The following DNTT variants were observed in gnomAD, a reference collection of about 807,000 sequenced individuals.
DNTT encodes the protein nucleosidetriphosphate:DNA deoxynucleotidylexotransferase.
A neutral mutation model predicts 60.9 loss-of-function variants in DNTT; 47 were observed. The ratio of observed to expected loss-of-function variants is 0.77; its 90% CI spans 0.61 to 0.98. The LOEUF is 0.98. DNTT is among the 50% of genes least tolerant of loss of function. The probability of loss-of-function intolerance (pLI) is 0.00; values close to 1 mark genes in which losing one functional copy is unlikely to be tolerated. For missense variants in DNTT, 665 were observed against 627.5 expected (o/e 1.06, Z -0.64); for synonymous variants, 224 against 221.2 (o/e 1.01, Z -0.11).
intron 2 of DNTT, 89 bp downstream of exon 2, chr10:96,318,615 A>G: frequency 1.3e-6 from 2 of 1,482,710 alleles, no homozygotes; most frequent in Non-Finnish European, 1.8e-6. Flanking sequence ...TAAACCCTAA[A>G]TTCTCTGCTT....
At chr10:96,328,654 C>A (rs890034526) in intron 7 of DNTT, 71 bp from the exon 8 acceptor site, 2 of 1,494,718 alleles carry the variant, frequency 1.3e-6, no homozygotes, top group Non-Finnish European at 9.2e-7. Flanking sequence ...GGCATAGAAA[C>A]AAAGGTGATT....
chr10:96,314,402 C>CTTTTTTTTT (rs869059822), intron 1 of DNTT, among the ~76,000 whole-genome samples: 2,035 of 53,082 alleles, frequency 0.038, 488 homozygotes, highest in Non-Finnish European at 0.049. Flanking sequence ...TATCTCTTCC[C>CTTTTTTTTT]TTTTTTTTTT....
At chr10:96,328,998 G>A (rs191837767) in intron 8 of DNTT, among the ~76,000 whole-genome samples, 168 bp downstream of exon 8, 40 of 152,096 alleles carry the variant, frequency 2.6e-4, no homozygotes, top group Middle Eastern at 6.8e-3. Context: ...CCTGTTTTGG[G>A]TCCTAGAGTA....
intron 5 of DNTT, among the ~76,000 whole-genome samples, chr10:96,323,561 G>A (rs562478968): frequency 6.7e-6 from 1 of 149,764 alleles, no homozygotes; most frequent in African/African-American, 2.6e-5. Flanking sequence ...AACATCATGG[G>A]ACATGAGGAC....
rs143792493 is a variant in DNTT at position 96,323,388 on chromosome 10, G to A, written c.750+660G>A. ...CCTGTCTTAAATACGGTCATACTGG[G>A]GATTAGGACTTCAACATACAAATGG... is the stretch of plus-strand genomic sequence containing the variant. On this transcript the variant is annotated intron_variant, in intron 5 of 10. Transcript: ENST00000371174. 3.0e-3 allele frequency among the ~76,000 whole-genome samples: 463 copies of A among 152,250 alleles called. 2 individuals carry two copies. Among genetic ancestry groups the A allele is most frequent in the African/African-American group, 0.01 (436 of 41,558 alleles).
In DNTT at chr10:96,320,651, T is replaced by C; in HGVS notation, c.541T>C (p.Phe181Leu). 6.2e-7 allele frequency: 1 copy of C among 1,613,660 alleles called. No homozygotes were observed. Among genetic ancestry groups the C allele is most frequent in the Non-Finnish European group, 8.5e-7 (1 of 1,179,748 alleles). Residue 181 changes from phenylalanine to leucine, a missense_variant, in exon 4 of 11, where the codon TTT (phenylalanine) becomes CTT (leucine). Transcript: ENST00000371174. ...AFDILAENCE[F>L]RENEDSCVTF... is the part of the protein sequence containing the mutation. ...TGATATACTGGCTGAAAACTGTGAG[T>C]TTAGAGAAAATGAAGACTCCTGTGT...
chr10:96,321,610 T>C (rs147404151), intron 4 of DNTT, among the ~76,000 whole-genome samples: 1 of 152,218 alleles, frequency 6.6e-6, no homozygotes, highest in African/African-American at 2.4e-5. Context: ...TATTGGGAAA[T>C]TGCCTCTCCC....
At chr10:96,313,114 A>G (rs1030268681) in intron 1 of DNTT, among the ~76,000 whole-genome samples, 1 of 152,196 alleles carries the variant, frequency 6.6e-6, no homozygotes, top group Non-Finnish European at 1.5e-5. Flanking sequence ...TTCTCTCAGA[A>G]TTGCTATAAT....
intron 4 of DNTT, 142 bp from the exon 5 acceptor site, chr10:96,322,515 C>A: frequency 2.0e-6 from 1 of 505,174 alleles, no homozygotes; most frequent in Middle Eastern, 3.9e-4. Flanking sequence ...CTTGTTTTCT[C>A]CAGATCAATT....
At position 96,335,953 on chromosome 10, in the gene DNTT, T is replaced by G. The variant is rs1845064059; in HGVS notation, c.1422T>G (p.His474Gln). 6.2e-7 allele frequency: 1 copy of G among 1,614,202 alleles called. No homozygotes were observed. Among genetic ancestry groups the G allele is most frequent in the Non-Finnish European group, 8.5e-7 (1 of 1,180,024 alleles). ...AGCGGAAGATGATTCTGGATAACCATGCTTTATATGACAAGACCAAGGTAC... is the reference window on the plus strand; with the variant it reads ...AGCGGAAGATGATTCTGGATAACCAGGCTTTATATGACAAGACCAAGGTAC... Reference protein sequence around the residue: ...THERKMILDNHALYDKTKRIF... With the variant: ...THERKMILDNQALYDKTKRIF... The change falls in exon 10 of 11, where the codon CAT becomes CAG. Residue 474 changes from histidine to glutamine, a missense_variant. His to Gln is a conservative substitution (Grantham distance 24). Transcript: ENST00000371174.
chr10:96,334,621 G>C (rs1033524576), intron 9 of DNTT, among the ~76,000 whole-genome samples: 6 of 152,166 alleles, frequency 3.9e-5, no homozygotes, highest in African/African-American at 1.4e-4. Context: ...AATTAATTCA[G>C]CACAGCATCT....
In DNTT at chr10:96,338,299, A is replaced by C; in HGVS notation, c.*75A>C. On this transcript the variant is annotated 3_prime_UTR_variant, in exon 11 of 11. Coordinates refer to ENST00000371174, the MANE Select transcript of DNTT (RefSeq NM_004088.4). ...ATGCTTCATATTAGTAAAAGATGCC[A>C]TAGGAGAGTTTGGGGTTATTTAGGT... 1 of 1,395,444 alleles carries C rather than the reference A, an allele frequency of 7.2e-7. No homozygotes were observed. Among genetic ancestry groups the C allele is most frequent in the Admixed American group, 2.0e-5 (1 of 49,010 alleles). The allele number at this position is 1,395,444 out of a possible 1,614,324, so 86.4% of individuals were successfully genotyped here.
At chr10:96,307,705 G>GTGTA (rs1354977619) in intron 1 of DNTT, among the ~76,000 whole-genome samples, 1 of 52,878 alleles carries the variant, frequency 1.9e-5, no homozygotes, top group African/African-American at 6.6e-5. Context: ...GTGTGTGTGT[G>GTGTA]TATATATATA....
In DNTT at chr10:96,327,037, A is replaced by G. The variant is rs1173559811; in HGVS notation, c.875-431A>G. ...ATTTCCTGCCTTGCTTCAGACACAC[A>G]TCTACTCTGCTCCTATTCTTGACTT... On this transcript the variant is annotated intron_variant, in intron 6 of 10. Coordinates refer to ENST00000371174, the MANE Select transcript of DNTT (RefSeq NM_004088.4). Among the ~76,000 whole-genome samples, 3 of 152,202 alleles carry G rather than the reference A, an allele frequency of 2.0e-5. No homozygotes were observed. The East Asian group carries it at 5.8e-4, about 29-fold the overall frequency.
chr10:96,307,462 C>A (rs554469673), intron 1 of DNTT, among the ~76,000 whole-genome samples: 1 of 148,516 alleles, frequency 6.7e-6, no homozygotes, highest in East Asian at 2.0e-4. Context: ...TCAAGCGATA[C>A]TCCTGCCTAA....
Position 96,318,392 on chromosome 10 carries a change from T to G in DNTT, c.244T>G (p.Ser82Ala). 1 of 1,613,588 alleles carries G rather than the reference T, an allele frequency of 6.2e-7. No individual in the cohort carries two copies. Among genetic ancestry groups the G allele is most frequent in the Non-Finnish European group, 8.5e-7 (1 of 1,179,698 alleles). The change falls in exon 2 of 11, where the codon TCG becomes GCG. Residue 82 changes from serine (S) to alanine (A), a missense_variant. Ser to Ala is a moderately conservative substitution (Grantham distance 99). Coordinates refer to ENST00000371174, the MANE Select transcript of DNTT (RefSeq NM_004088.4). ...THIVAENNSG[S>A]DVLEWLQAQK... The stretch of plus-strand genomic sequence containing the variant: ...CATCGTAGCAGAGAACAACTCGGGT[T>G]CGGATGTTCTGGAGTGGCTTCAAGC...
Position 96,327,524 on chromosome 10 carries a change from G to A in DNTT, c.931G>A (p.Val311Ile), listed in dbSNP as rs749994764. 3.0e-5 allele frequency: 48 copies of A among 1,614,028 alleles called. No homozygotes were observed. The highest frequency in any genetic ancestry group is 1.2e-4 in the Admixed American group (7 of 60,008). ...SCVTRAEAEA[V>I]SVLVKEAVWA... is the part of the protein sequence containing the mutation. ...TGTGACCAGGGCAGAAGCAGAGGCCGTCAGTGTGCTGGTTAAAGAGGCTGT... is the reference window on the plus strand; with the variant it reads ...TGTGACCAGGGCAGAAGCAGAGGCCATCAGTGTGCTGGTTAAAGAGGCTGT... Residue 311 changes from valine to isoleucine, a missense_variant, in exon 7 of 11, where the codon GTC becomes ATC. Val to Ile is a conservative substitution (Grantham distance 29, BLOSUM62 3). Transcript: ENST00000371174.
intron 9 of DNTT, among the ~76,000 whole-genome samples, chr10:96,334,045 G>A (rs1488080456): frequency 2.0e-5 from 3 of 152,290 alleles, no homozygotes; most frequent in African/African-American, 7.2e-5. Flanking sequence ...TTATCATTCT[G>A]CAATGTATAT....
At chr10:96,326,682 C>A (rs756623382) in intron 6 of DNTT, among the ~76,000 whole-genome samples, 15 of 152,194 alleles carry the variant, frequency 9.9e-5, no homozygotes, top group Non-Finnish European at 1.8e-4. Flanking sequence ...GAAACAGGCT[C>A]CTCTGGAGGT....
Sources: gnomAD v4.1 joint callset for allele counts (sites outside exome capture counted in the v4.1 genomes callset) on GRCh38, gnomAD v4.1.1 for gene constraint, MANE v1.5 for transcripts, NCBI Gene and HGNC (gene_info 2026-07-23, HGNC 2026-07-21) for gene names.